RASA2: variants seen among roughly 807,000 people sequenced by gnomAD.
RASA2 encodes the protein ras GTPase-activating protein 2.
RASA2 carries 155 observed loss-of-function variants against 118.2 expected under a neutral mutation model. The ratio of observed to expected loss-of-function variants is 1.31; its 90% CI spans 1.15 to 1.50. The LOEUF (loss-of-function observed/expected upper bound fraction) is 1.50. Among genes scored for constraint, RASA2 ranks in the 40% most tolerant of loss-of-function variants. The pLI, the probability that RASA2 is intolerant of heterozygous loss-of-function variation, is 0.00. For synonymous variants in RASA2, 353 were observed against 349.1 expected, an observed-to-expected ratio of 1.01 and a Z score of -0.12; for missense variants, 1,016 against 1,009.6, an observed-to-expected ratio of 1.01 and a Z score of -0.09.
chr3:141,584,746 G>A (rs1057475650), intron 17 of RASA2, among the ~76,000 whole-genome samples: 1 of 152,124 alleles, frequency 6.6e-6, no homozygotes, highest in Non-Finnish European at 1.5e-5. Flanking sequence ...AATCCTAAAT[G>A]TAACCCTAAT....
At chr3:141,545,258 T>C (rs2082467402) in intron 5 of RASA2, among the ~76,000 whole-genome samples, 1 of 152,128 alleles carries the variant, frequency 6.6e-6, no homozygotes, top group Non-Finnish European at 1.5e-5. Context: ...CATTCTCACA[T>C]TGCTATAAAG....
At chr3:141,600,429 C>T (rs575107456) in intron 19 of RASA2, 9 of 427,162 alleles carry the variant, frequency 2.1e-5, no homozygotes, top group Middle Eastern at 4.0e-4. Flanking sequence ...CTGCAGCCCC[C>T]GACCACATTC....
At chr3:141,566,458 A>G (rs1199248498) in intron 9 of RASA2, among the ~76,000 whole-genome samples, 5 of 152,234 alleles carry the variant, frequency 3.3e-5, no homozygotes, top group African/African-American at 1.2e-4. Flanking sequence ...GGAAAACTCT[A>G]TAGGACCAAC....
intron 19 of RASA2, among the ~76,000 whole-genome samples, chr3:141,604,229 A>G (rs893903263): frequency 6.6e-6 from 1 of 152,106 alleles, no homozygotes; most frequent in Non-Finnish European, 1.5e-5. Context: ...CATTACTACT[A>G]CTTTGTTTTG....
At chr3:141,532,984 T>C (rs935152319) in intron 4 of RASA2, among the ~76,000 whole-genome samples, 4 of 152,152 alleles carry the variant, frequency 2.6e-5, no homozygotes, top group African/African-American at 9.6e-5. Flanking sequence ...CTTTGCAAAA[T>C]ATAAAGGAAA....
intron 1 of RASA2, among the ~76,000 whole-genome samples, chr3:141,501,351 T>C (rs1224214272): frequency 1.3e-5 from 2 of 152,204 alleles, no homozygotes; most frequent in Admixed American, 6.5e-5. Flanking sequence ...GCTAATGGCT[T>C]GGATGAAGGG....
Position 141,614,155 on chromosome 3 carries a change from A to G in RASA2, c.*1842A>G, listed in dbSNP as rs1316178379. On this transcript the variant is annotated 3_prime_UTR_variant, in exon 24 of 24. Transcript: ENST00000286364. Reference sequence around the variant, plus strand: ...TGCTTTTTTTTTTAAGGCAAAAGAAATATGCATCTAGCATTTCTAATACCA... The same window carrying G: ...TGCTTTTTTTTTTAAGGCAAAAGAAGTATGCATCTAGCATTTCTAATACCA... 1 of 152,118 alleles carries G rather than the reference A, an allele frequency of 6.6e-6. No individual in the cohort carries two copies. The highest frequency in any genetic ancestry group is 1.5e-5 in the Non-Finnish European group (1 of 67,996). 9.4% of individuals were successfully genotyped at this position (152,118 alleles called of 1,614,324 possible). A position where few individuals can be genotyped will look rare whatever the true frequency, so the allele number is the denominator to read the frequency against.
intron 1 of RASA2, 27 bp downstream of exon 1, chr3:141,487,243 G>A (rs1222626312): frequency 1.5e-6 from 2 of 1,313,110 alleles, no homozygotes; most frequent in Non-Finnish European, 9.8e-7. Flanking sequence ...CTGAGGGGAC[G>A]CCCTGGCGGC....
At chr3:141,593,573 A>G (rs912337111) in intron 19 of RASA2, among the ~76,000 whole-genome samples, 4 of 152,212 alleles carry the variant, frequency 2.6e-5, no homozygotes, top group African/African-American at 9.6e-5. Context: ...CGCTAATGCA[A>G]GAGGGACCTC....
intron 9 of RASA2, among the ~76,000 whole-genome samples, chr3:141,569,173 C>T (rs1027743520): frequency 2.0e-5 from 3 of 151,978 alleles, no homozygotes; most frequent in Admixed American, 6.6e-5. Flanking sequence ...AATAAGAATA[C>T]AGTTAAGTTT....
intron 6 of RASA2, among the ~76,000 whole-genome samples, chr3:141,555,596 C>T (rs2082637284): frequency 6.6e-6 from 1 of 151,152 alleles, no homozygotes; most frequent in African/African-American, 2.4e-5. Flanking sequence ...AAAAGGTTGG[C>T]AATCTAGTGT....
chr3:141,593,915 C>G (rs76981433), intron 19 of RASA2, among the ~76,000 whole-genome samples: 3,235 of 152,144 alleles, frequency 0.021, 140 homozygotes, highest in African/African-American at 0.074. Context: ...ACATTAACAA[C>G]TCAAGAAGAA....
intron 19 of RASA2, among the ~76,000 whole-genome samples, chr3:141,596,767 T>C (rs186812624): frequency 2.6e-5 from 4 of 152,138 alleles, no homozygotes; most frequent in African/African-American, 9.6e-5. Context: ...CCAACTAGAG[T>C]GTCTGTAACA....
At chr3:141,585,526 C>T (rs377322168) in intron 17 of RASA2, among the ~76,000 whole-genome samples, 24 of 152,212 alleles carry the variant, frequency 1.6e-4, no homozygotes, top group Non-Finnish European at 2.5e-4. Context: ...AGGCTGGGCA[C>T]GGTGGCTCAC....
At chr3:141,606,295 A>G (rs1309708484) in intron 19 of RASA2, among the ~76,000 whole-genome samples, 1 of 152,108 alleles carries the variant, frequency 6.6e-6, no homozygotes, top group Non-Finnish European at 1.5e-5. Flanking sequence ...TGATTCTAGG[A>G]GATTGCTGAT....
intron 3 of RASA2, among the ~76,000 whole-genome samples, chr3:141,520,026 T>TG (rs2082088607): frequency 6.9e-6 from 1 of 145,054 alleles, no homozygotes; most frequent in African/African-American, 2.5e-5. Flanking sequence ...TTTTTTTTTT[T>TG]TTTTTGAGAT....
intron 3 of RASA2, among the ~76,000 whole-genome samples, chr3:141,517,155 A>T (rs2082040132): frequency 6.6e-6 from 1 of 152,238 alleles, no homozygotes; most frequent in Non-Finnish European, 1.5e-5. Flanking sequence ...ATGTTTTTAT[A>T]GAAAGATTGC....
At position 141,580,507 on chromosome 3, in the gene RASA2, A is replaced by C. The variant is rs763238192; in HGVS notation, c.1674+56A>C. The C allele has an allele frequency of 3.0e-6, 4 of 1,351,808 alleles. No individual in the cohort carries two copies. The African/African-American group carries it at 5.8e-5, about 20-fold the overall frequency. The allele number at this position is 1,351,808 out of a possible 1,614,324, so 83.7% of individuals were successfully genotyped here. On this transcript the variant is annotated intron_variant, in intron 16 of 23. Transcript: ENST00000286364. Reference sequence around the variant, plus strand: ...ACACTTCTAAATGTTGTTACATCCTATGATCCCTTATCCTTGACTTACCTT... The same window carrying C: ...ACACTTCTAAATGTTGTTACATCCTCTGATCCCTTATCCTTGACTTACCTT...
At chr3:141,591,382 A>G (rs1297120075) in intron 19 of RASA2, among the ~76,000 whole-genome samples, 1 of 152,160 alleles carries the variant, frequency 6.6e-6, no homozygotes, top group Non-Finnish European at 1.5e-5. Flanking sequence ...TCATATGGCT[A>G]CCTCAGTGTA....
Sources: allele counts gnomAD v4.1 joint callset (sites outside exome capture counted in the v4.1 genomes callset), GRCh38; gene constraint gnomAD v4.1.1; transcripts MANE v1.5; gene names NCBI Gene and HGNC (gene_info 2026-07-23, HGNC 2026-07-21).